ODAD2: variants seen among roughly 807,000 people sequenced by gnomAD.
The protein encoded by ODAD2 is outer dynein arm docking complex subunit 2, also known as outer dynein arm-docking complex subunit 2.
In ODAD2, 89 loss-of-function variants were observed where a neutral mutation model predicts 106.8. The observed-to-expected ratio is 0.83, with a 90% CI of 0.70 to 0.99. The LOEUF is 0.99. ODAD2 is among the 50% of genes least tolerant of loss of function. The pLI, the probability that ODAD2 is intolerant of heterozygous loss-of-function variation, is 0.00. For missense variants in ODAD2, 1,168 were observed against 1,238.5 expected (o/e 0.94, Z 0.85); for synonymous variants, 404 against 436.2 (o/e 0.93, Z 0.92).
intron 19 of ODAD2, among the ~76,000 whole-genome samples, chr10:27,832,885 T>C (rs1837592686): frequency 6.6e-6 from 1 of 152,286 alleles, no homozygotes; most frequent in Non-Finnish European, 1.5e-5. Flanking sequence ...GAGAAAATTA[T>C]CCGACTTATC....
chr10:27,940,877 C>T (rs1026936472), intron 12 of ODAD2, 72 bp from the exon 13 acceptor site: 96 of 1,480,772 alleles, frequency 6.5e-5, no homozygotes, highest in Non-Finnish European at 7.9e-5. Context: ...TCAATAGCTA[C>T]AGTGTTCCTT....
At chr10:27,967,373 A>C (rs1848548402) in intron 9 of ODAD2, among the ~76,000 whole-genome samples, 1 of 152,134 alleles carries the variant, frequency 6.6e-6, no homozygotes. Context: ...CCACTGACAA[A>C]GTAACGAAGG....
At chr10:27,925,816 C>G (rs1204220281) in intron 16 of ODAD2, among the ~76,000 whole-genome samples, 1 of 152,014 alleles carries the variant, frequency 6.6e-6, no homozygotes, top group Non-Finnish European at 1.5e-5. Flanking sequence ...CACTACTATT[C>G]AAGAAGGTAC....
At chr10:27,835,829 G>A (rs1837829762) in intron 19 of ODAD2, among the ~76,000 whole-genome samples, 1 of 152,000 alleles carries the variant, frequency 6.6e-6, no homozygotes, top group South Asian at 2.1e-4. Flanking sequence ...GGGAGGCTGA[G>A]GCAGGAGAAT....
intron 2 of ODAD2, among the ~76,000 whole-genome samples, chr10:27,988,941 G>A (rs1387336439): frequency 6.6e-6 from 1 of 152,136 alleles, no homozygotes; most frequent in African/African-American, 2.4e-5. Flanking sequence ...GTTCTTATAA[G>A]AGGAAGACAG....
In ODAD2 at chr10:27,944,354, T is replaced by C; in HGVS notation, c.1611A>G (p.Leu537=). 1 of 1,614,084 alleles carries C rather than the reference T, an allele frequency of 6.2e-7. No individual in the cohort carries two copies. Among genetic ancestry groups the C allele is most frequent in the Non-Finnish European group, 8.5e-7 (1 of 1,179,956 alleles). ...IRQNIVDLGG[L]PIMVNILDSP... is the part of the protein sequence containing the mutation. Reference sequence around the variant, plus strand: ...AATCAAGTATATTCACCATAATTGGTAAGCCCCCAAGGTCAACAATATTCT... The same window carrying C: ...AATCAAGTATATTCACCATAATTGGCAAGCCCCCAAGGTCAACAATATTCT... The change falls in exon 12 of 20, where the codon TTA becomes TTG. Residue 537 remains leucine, a synonymous_variant. Coordinates refer to ENST00000305242, the MANE Select transcript of ODAD2 (RefSeq NM_018076.5).
At chr10:27,957,681 A>C (rs1040455927) in intron 10 of ODAD2, 3 of 152,232 alleles carry the variant, frequency 2.0e-5, no homozygotes, top group African/African-American at 7.2e-5. Context: ...AGATGAAAAG[A>C]ATTTATACAT....
chr10:27,949,726 T>C lies in ODAD2; in HGVS notation c.1387-4764A>G, dbSNP rs375309142. ...TTACAATGATGTCATTTATAAAAGATCACTCTGGCTGCAGAGGCCGCTGGC... is the reference window on the plus strand; with the variant it reads ...TTACAATGATGTCATTTATAAAAGACCACTCTGGCTGCAGAGGCCGCTGGC... On this transcript the variant is annotated intron_variant, in intron 10 of 19. Coordinates refer to ENST00000305242, the MANE Select transcript of ODAD2 (RefSeq NM_018076.5). Among the ~76,000 whole-genome samples the C allele has an allele frequency of 9.9e-5, 15 of 152,208 alleles. 1 individual carries two copies. The East Asian group carries it at 2.7e-3, about 27-fold the overall frequency.
At chr10:27,995,854 A>G (rs1292303387) in intron 1 of ODAD2, 1 of 152,260 alleles carries the variant, frequency 6.6e-6, no homozygotes, top group African/African-American at 2.4e-5. Flanking sequence ...CCCTGCCTGT[A>G]TATCCTGCCC....
intron 17 of ODAD2, among the ~76,000 whole-genome samples, chr10:27,895,205 A>G (rs1343617840): frequency 6.6e-6 from 1 of 152,214 alleles, no homozygotes; most frequent in Non-Finnish European, 1.5e-5. Flanking sequence ...TTTTCATAGC[A>G]GATGGCTTAC....
chr10:27,876,630 C>G (rs1273105502), intron 17 of ODAD2, among the ~76,000 whole-genome samples: 1 of 152,194 alleles, frequency 6.6e-6, no homozygotes, highest in Non-Finnish European at 1.5e-5. Context: ...CAATTATGGG[C>G]AATGAGGTCT....
At chr10:27,984,364 G>A in intron 4 of ODAD2, 74 bp from the exon 5 acceptor site, 2 of 986,928 alleles carry the variant, frequency 2.0e-6, no homozygotes, top group South Asian at 1.5e-5. Flanking sequence ...ACATTTCATT[G>A]TATCAGGAGA....
At chr10:27,989,213 A>G (rs565994342) in intron 2 of ODAD2, among the ~76,000 whole-genome samples, 27 of 152,302 alleles carry the variant, frequency 1.8e-4, no homozygotes, top group African/African-American at 6.3e-4. Flanking sequence ...GGTTTGGGGC[A>G]ATGTGTTACA....
At chr10:27,854,475 G>A (rs1839517477) in intron 19 of ODAD2, among the ~76,000 whole-genome samples, 1 of 152,172 alleles carries the variant, frequency 6.6e-6, no homozygotes, top group Non-Finnish European at 1.5e-5. Context: ...ATGAAAGGAG[G>A]TTGGGCACAG....
chr10:27,960,062 T>G (rs75852285), intron 10 of ODAD2, among the ~76,000 whole-genome samples: 3,748 of 152,090 alleles, frequency 0.025, 136 homozygotes, highest in African/African-American at 0.075. Flanking sequence ...ACAAAAATAT[T>G]TAATATTTAT....
rs577815035 is a variant in ODAD2, at chr10:27,946,119, A to G, written c.1387-1157T>C. Among the ~76,000 whole-genome samples the G allele has an allele frequency of 3.4e-5, 5 of 148,560 alleles. No homozygotes were observed. In the South Asian group the frequency reaches 1.0e-3, roughly 31 times the overall value. ...ATCTACTGCCCATTATCTATTGTAT[A>G]ATTTTAAAATGTATTTTTAAATATA... is the stretch of plus-strand genomic sequence containing the variant. On this transcript the variant is annotated intron_variant, in intron 10 of 19. Transcript: ENST00000305242.
At chr10:27,961,821 TTGGGAGGCTGAGG>T in intron 9 of ODAD2, 106 bp from the exon 10 acceptor site, 1 of 933,820 alleles carries the variant, frequency 1.1e-6, no homozygotes. Flanking sequence ...TCTCAGTGCT[TTGGGAGGCTGAGG>T]TGGGAGGATT....
chr10:27,829,335 C>A (rs1837301937), intron 19 of ODAD2, among the ~76,000 whole-genome samples: 1 of 152,126 alleles, frequency 6.6e-6, no homozygotes. Context: ...TGGGAAATAA[C>A]CTTAAGTGAA....
chr10:27,814,406 T>C (rs1201349463), intron 19 of ODAD2, among the ~76,000 whole-genome samples: 1 of 152,146 alleles, frequency 6.6e-6, no homozygotes, highest in African/African-American at 2.4e-5. Flanking sequence ...TGCAAAACAT[T>C]TAGAAGGTTG....
Sources: allele counts gnomAD v4.1 joint callset (sites outside exome capture counted in the v4.1 genomes callset), GRCh38; gene constraint gnomAD v4.1.1; transcripts MANE v1.5; gene names NCBI Gene and HGNC (gene_info 2026-07-23, HGNC 2026-07-21).